The following MAP4K3 variants were observed in gnomAD, a reference collection of about 807,000 sequenced individuals.
The protein encoded by MAP4K3 is MAPK/ERK kinase kinase kinase 3.
A neutral mutation model predicts 143.5 loss-of-function variants in MAP4K3; 94 were observed. The ratio of observed to expected loss-of-function variants is 0.65; its 90% CI spans 0.55 to 0.78. MAP4K3 has a LOEUF of 0.78. Ranked by LOEUF, MAP4K3 falls within the 30% of genes least tolerant of loss-of-function variation. The pLI is 0.00. For missense variants in MAP4K3, 1,077 were observed against 1,068.1 expected, an observed-to-expected ratio of 1.01 and a Z score of -0.12; for synonymous variants, 416 against 347.2, an observed-to-expected ratio of 1.20 and a Z score of -2.20.
chr2:39,375,843 C>T (rs187510674), intron 2 of MAP4K3, among the ~76,000 whole-genome samples: 9 of 152,322 alleles, frequency 5.9e-5, no homozygotes, highest in Admixed American at 5.2e-4. Context: ...ATACAGTATG[C>T]AGTTTTGTGT....
Position 39,264,122 on chromosome 2 carries a change from G to A in MAP4K3, c.2136+1081C>T, listed in dbSNP as rs920766001. Among the ~76,000 whole-genome samples, 32 of 152,150 alleles carry A rather than the reference G, an allele frequency of 2.1e-4. 1 individual carries two copies. Among genetic ancestry groups the A allele is most frequent in the Admixed American group, 2.0e-3 (31 of 15,276 alleles). ...AAAGATAGGAAAGGAAGAGGTTGAT[G>A]AAAAATCAAACTGTGTAGACTTTAC... On this transcript the variant is annotated intron_variant, in intron 28 of 33. Coordinates refer to ENST00000263881, the MANE Select transcript of MAP4K3 (RefSeq NM_003618.4).
intron 21 of MAP4K3, among the ~76,000 whole-genome samples, chr2:39,282,912 T>C (rs1342885124): frequency 6.6e-6 from 1 of 152,234 alleles, no homozygotes; most frequent in African/African-American, 2.4e-5. Context: ...ATACACTATC[T>C]GCAGGATCTT....
chr2:39,392,019 A>T (rs1483773634), intron 1 of MAP4K3, among the ~76,000 whole-genome samples: 3 of 151,820 alleles, frequency 2.0e-5, no homozygotes, highest in African/African-American at 7.3e-5. Context: ...CATCTCTACT[A>T]AAAATACAAA....
At chr2:39,293,318 G>A in intron 16 of MAP4K3, 50 bp from the exon 17 acceptor site, 1 of 1,086,922 alleles carries the variant, frequency 9.2e-7, no homozygotes, top group Non-Finnish European at 1.3e-6. Flanking sequence ...ATTATCAAAG[G>A]AATATCGAAT....
intron 1 of MAP4K3, among the ~76,000 whole-genome samples, chr2:39,415,055 T>C (rs1488640664): frequency 2.6e-5 from 4 of 152,126 alleles, no homozygotes; most frequent in Non-Finnish European, 5.9e-5. Context: ...TATAAGCAAT[T>C]CCATGAGCCA....
intron 1 of MAP4K3, among the ~76,000 whole-genome samples, chr2:39,419,841 C>T (rs533663820): frequency 6.6e-6 from 1 of 152,290 alleles, no homozygotes; most frequent in South Asian, 2.1e-4. Flanking sequence ...GCTTTATATT[C>T]TCTGCTCAAT....
chr2:39,301,570 C>T (rs763855681), intron 15 of MAP4K3, among the ~76,000 whole-genome samples: 2 of 152,114 alleles, frequency 1.3e-5, no homozygotes, highest in Non-Finnish European at 2.9e-5. Context: ...TGACAGCTTC[C>T]AAAAGCACAC....
chr2:39,435,616 T>C (rs539018187), intron 1 of MAP4K3, among the ~76,000 whole-genome samples: 39 of 152,332 alleles, frequency 2.6e-4, no homozygotes, highest in African/African-American at 8.9e-4. Flanking sequence ...CATCACAAAA[T>C]TAAACGGCAA....
rs930268509 is a variant in MAP4K3 at position 39,332,104 on chromosome 2, G to A, written c.458-115C>T. On this transcript the variant is annotated intron_variant, in intron 7 of 33. Transcript: ENST00000263881. ...TATTAAGTTAATTTTACAGCAATAC[G>A]GGATATTCTCAAACATCACATTACA... The A allele has an allele frequency of 2.2e-4, 114 of 521,028 alleles. 2 individuals carry two copies. The highest frequency in any genetic ancestry group is 5.3e-4 in the Middle Eastern group (1 of 1,878). 32.3% of individuals were successfully genotyped at this position (521,028 alleles called of 1,614,324 possible).
intron 1 of MAP4K3, among the ~76,000 whole-genome samples, chr2:39,392,998 G>A (rs748904993): frequency 2.5e-4 from 38 of 152,192 alleles, no homozygotes; most frequent in Non-Finnish European, 4.4e-4. Flanking sequence ...GTGTCCATAA[G>A]GTTAAGAACC....
rs1573056212 is a variant in MAP4K3 at position 39,254,304 on chromosome 2, G to A, written c.2541+146C>T. 10 of 597,516 alleles carry A rather than the reference G, an allele frequency of 1.7e-5. No homozygotes were observed. In the East Asian group the frequency reaches 2.8e-4, roughly 17 times the overall value. 37.0% of individuals were successfully genotyped at this position (597,516 alleles called of 1,614,324 possible). ...GAGAGAGAGGTGGACATAGAGTATG[G>A]GCTACTGACTTTATCAATAGACTAA... On this transcript the variant is annotated intron_variant, in intron 32 of 33. Transcript: ENST00000263881.
chr2:39,416,312 A>G (rs1361950722), intron 1 of MAP4K3, among the ~76,000 whole-genome samples: 2 of 152,078 alleles, frequency 1.3e-5, no homozygotes, highest in African/African-American at 4.8e-5. Context: ...CTGGCATGTT[A>G]ATAAAGAAAT....
chr2:39,363,992 TAAA>T (rs70957104), intron 2 of MAP4K3, among the ~76,000 whole-genome samples: 2 of 129,134 alleles, frequency 1.5e-5, no homozygotes, highest in Admixed American at 7.7e-5. Flanking sequence ...ATAGCCATTA[TAAA>T]AAAAAAAAAA....
At chr2:39,401,760 T>C (rs984045563) in intron 1 of MAP4K3, among the ~76,000 whole-genome samples, 6 of 151,996 alleles carry the variant, frequency 3.9e-5, no homozygotes, top group African/African-American at 1.2e-4. Context: ...AAGATGGCAA[T>C]ACTGCACTCC....
intron 3 of MAP4K3, among the ~76,000 whole-genome samples, chr2:39,348,363 T>C (rs1339921670): frequency 1.3e-5 from 2 of 152,134 alleles, no homozygotes; most frequent in African/African-American, 2.4e-5. Flanking sequence ...CACGACTATA[T>C]AGTAATACTT....
At chr2:39,269,883 C>A (rs78706708) in intron 26 of MAP4K3, among the ~76,000 whole-genome samples, 4,270 of 152,180 alleles carry the variant, frequency 0.028, 66 homozygotes, top group African/African-American at 0.037. Context: ...TTATAACTTA[C>A]AATTATAAAA....
At chr2:39,363,379 A>G (rs1665823481) in intron 2 of MAP4K3, among the ~76,000 whole-genome samples, 1 of 150,638 alleles carries the variant, frequency 6.6e-6, no homozygotes, top group Non-Finnish European at 1.5e-5. Flanking sequence ...TTCAAAAACG[A>G]GCAAAGGGCT....
chr2:39,374,899 C>T (rs1373378820), intron 2 of MAP4K3, among the ~76,000 whole-genome samples: 1 of 151,974 alleles, frequency 6.6e-6, no homozygotes, highest in African/African-American at 2.4e-5. Flanking sequence ...TTCTTAAAAT[C>T]CAACATGTTG....
chr2:39,393,401 C>T (rs1666720232), intron 1 of MAP4K3, among the ~76,000 whole-genome samples: 1 of 152,292 alleles, frequency 6.6e-6, no homozygotes, highest in South Asian at 2.1e-4. Context: ...AGAGAATATA[C>T]TTTTCAAACG....
Sources: gnomAD v4.1 joint callset for allele counts (sites outside exome capture counted in the v4.1 genomes callset) on GRCh38, gnomAD v4.1.1 for gene constraint, MANE v1.5 for transcripts, NCBI Gene and HGNC (gene_info 2026-07-23, HGNC 2026-07-21) for gene names.